Variants in KPRP observed in about 807,000 individuals in gnomAD.
KPRP encodes the protein keratinocyte proline-rich protein.
For synonymous variants in KPRP, 282 were observed against 276.9 expected (o/e 1.02, Z -0.18); for missense variants, 820 against 746.4 (o/e 1.10, Z -1.15).
At chr1:152,760,154 G>A in exon 1 of KPRP, 1 of 1,614,130 alleles carries the variant, frequency 6.2e-7, no homozygotes, top group East Asian at 2.2e-5. Flanking sequence ...GGCTCCTATA[G>A]CAGTTGTGGC....
chr1:152,760,367 G>C (rs776972984), exon 1 of KPRP: 5 of 1,614,024 alleles, frequency 3.1e-6, no homozygotes, highest in Non-Finnish European at 4.2e-6. Flanking sequence ...CCTCCTCCTC[G>C]GCGGCTGCAG....
exon 1 of KPRP, chr1:152,760,222 C>T: frequency 1.9e-6 from 3 of 1,614,132 alleles, no homozygotes; most frequent in Non-Finnish European, 2.5e-6. Context: ...CCAGTTGAGG[C>T]CTTCCTACAG....
At chr1:152,759,812 A>G in exon 1 of KPRP, 1 of 1,614,194 alleles carries the variant, frequency 6.2e-7, no homozygotes, top group Non-Finnish European at 8.5e-7. Flanking sequence ...GTGAAGTGCC[A>G]GTCTAAGACC....
At chr1:152,760,945 G>A (rs749825507) in exon 1 of KPRP, 1 of 1,612,784 alleles carries the variant, frequency 6.2e-7, no homozygotes, top group Admixed American at 1.7e-5. Context: ...TCCTCGCCCA[G>A]GGCAGTGTGA....
At chr1:152,760,363 C>T (rs747399681) in exon 1 of KPRP, 12 of 1,614,078 alleles carry the variant, frequency 7.4e-6, no homozygotes, top group Admixed American at 1.7e-5. Flanking sequence ...CCTTCCTCCT[C>T]CTCGGCGGCT....
At chr1:152,758,998 AAACAT>A (rs1429831088), upstream of KPRP, among the ~76,000 whole-genome samples, 2 of 152,262 alleles carry the variant, frequency 1.3e-5, no homozygotes, top group African/African-American at 4.8e-5. Context: ...ATTTATCTAA[AAACAT>A]TGAATATAGA....
At chr1:152,760,948 C>A (rs1296112032) in exon 1 of KPRP, 5 of 1,612,664 alleles carry the variant, frequency 3.1e-6, no homozygotes, top group Non-Finnish European at 4.2e-6. Context: ...TCGCCCAGGG[C>A]AGTGTGAGAT....
exon 1 of KPRP, chr1:152,761,426 A>G: frequency 6.8e-7 from 1 of 1,474,652 alleles, no homozygotes; most frequent in Non-Finnish European, 9.0e-7. Context: ...CTCTCCAAAG[A>G]TATTCAGAGA....
upstream of KPRP, chr1:152,759,471 A>G: frequency 6.9e-7 from 1 of 1,452,718 alleles, no homozygotes; most frequent in Non-Finnish European, 9.1e-7. Context: ...GGAGGAAGAA[A>G]AGCTAGGGAA....
exon 1 of KPRP, chr1:152,759,937 G>C: frequency 6.2e-7 from 1 of 1,614,202 alleles, no homozygotes; most frequent in East Asian, 2.2e-5. Flanking sequence ...CCAATCTGAG[G>C]TGTCCTACGT....
chr1:152,760,867 C>G, exon 1 of KPRP: 1 of 1,614,202 alleles, frequency 6.2e-7, no homozygotes, highest in Non-Finnish European at 8.5e-7. Flanking sequence ...ACCACGACAA[C>G]TTTCAGAACC....
chr1:152,759,653 CCTT>C (rs766390347), exon 1 of KPRP: 13 of 1,614,148 alleles, frequency 8.1e-6, no homozygotes, highest in South Asian at 1.1e-5. Flanking sequence ...AAGGGTCCCT[CCTT>C]CTGCTCCTCT....
At chr1:152,760,214 A>G in exon 1 of KPRP, 1 of 1,614,068 alleles carries the variant, frequency 6.2e-7, no homozygotes, top group Non-Finnish European at 8.5e-7. Context: ...CCCCAGTTCC[A>G]GTTGAGGCCT....
chr1:152,760,828 A>T, exon 1 of KPRP: 1 of 1,614,156 alleles, frequency 6.2e-7, no homozygotes, highest in Non-Finnish European at 8.5e-7. Context: ...AGAACCATGC[A>T]TAAGTCTAGA....
rs183290832 is a variant in KPRP at position 152,759,823 on chromosome 1, A to G, written c.235A>G (p.Lys79Glu). 1.2e-4 allele frequency: 200 copies of G among 1,613,988 alleles called. 1 individual carries two copies. The East Asian group carries it at 3.6e-3, about 29-fold the overall frequency. The change falls in exon 1 of 1, where the codon AAG becomes GAG. Residue 79 changes from lysine to glutamate, a missense_variant. Transcript: ENST00000606109. ...ACAGGTGAAGTGCCAGTCTAAGACC[A>G]AGCAGGTGAAGGGCCAGGCTCAATG...
exon 1 of KPRP, chr1:152,761,106 A>G (rs780591850): frequency 1.2e-5 from 20 of 1,613,892 alleles, no homozygotes; most frequent in Non-Finnish European, 1.7e-5. Context: ...GCCCAAATCC[A>G]GTTCCATACC....
At position 152,759,704 on chromosome 1, in the gene KPRP, C is replaced by T. The variant is rs138800153; in HGVS notation, c.116C>T (p.Ala39Val). 31 of 1,614,054 alleles carry T rather than the reference C, an allele frequency of 1.9e-5. No homozygotes were observed. In the African/African-American group the frequency reaches 3.9e-4, roughly 20 times the overall value. The stretch of plus-strand genomic sequence containing the variant: ...GCCCAGAGCCAAGTGGTGGTTCAAG[C>T]CCCTTGTGAGATGCAAATTGTGGAC... Residue 39 changes from alanine (A) to valine (V), a missense_variant, in exon 1 of 1, where the codon GCC becomes GTC. Transcript: ENST00000606109.
exon 1 of KPRP, chr1:152,761,033 C>A (rs757783741): frequency 6.2e-7 from 1 of 1,613,330 alleles, no homozygotes; most frequent in Admixed American, 1.7e-5. Flanking sequence ...ATTCCCCTGC[C>A]GGCGCCCTGC....
rs768174708 is a variant in KPRP, at chr1:152,759,964, C to T, written c.376C>T (p.Gln126Ter). 1.2e-6 allele frequency: 2 copies of T among 1,614,096 alleles called. No individual in the cohort carries two copies. The highest frequency in any genetic ancestry group is 1.7e-6 in the Non-Finnish European group (2 of 1,180,034). Residue 126 changes from glutamine to a stop codon, truncating the protein, a stop_gained, in exon 1 of 1, where the codon CAA becomes TAA. Transcript: ENST00000606109. LOFTEE classifies it low-confidence loss of function (END_TRUNC). ...GTCCTACGTGCAGTGCGAAGCGTCA[C>T]AACCTGTTCAGACTTGCTTCGTAGA... is the stretch of plus-strand genomic sequence containing the variant.
Sources: allele counts gnomAD v4.1 joint callset (sites outside exome capture counted in the v4.1 genomes callset), GRCh38; gene constraint gnomAD v4.1.1; transcripts MANE v1.5; gene names NCBI Gene and HGNC (gene_info 2026-07-23, HGNC 2026-07-21).